CFAP299: variants seen among roughly 807,000 people sequenced by gnomAD.
The protein encoded by CFAP299 is cilia and flagella associated protein 299.
A neutral mutation model predicts 27.0 loss-of-function variants in CFAP299; 21 were observed. The observed-to-expected ratio is 0.78, with a 90% confidence interval of 0.55 to 1.12. CFAP299 has a LOEUF of 1.12. Among genes scored for constraint, CFAP299 ranks in the 50% most tolerant of loss-of-function variants. The pLI, the probability that CFAP299 is intolerant of heterozygous loss-of-function variation, is 0.00. For missense variants in CFAP299, 310 were observed against 276.6 expected (o/e 1.12, Z -0.86); for synonymous variants, 104 against 98.1 (o/e 1.06, Z -0.36).
At chr4:80,463,012 G>C (rs1191754218) in intron 2 of CFAP299, among the ~76,000 whole-genome samples, 1 of 152,126 alleles carries the variant, frequency 6.6e-6, no homozygotes, top group Non-Finnish European at 1.5e-5. Flanking sequence ...GAAACTGAAA[G>C]TAGAATGAGA....
At chr4:80,908,707 T>C (rs1486525525) in intron 4 of CFAP299, among the ~76,000 whole-genome samples, 1 of 152,200 alleles carries the variant, frequency 6.6e-6, no homozygotes, top group Non-Finnish European at 1.5e-5. Context: ...CAGGTAATAC[T>C]GCTAAGTTCA....
chr4:80,661,904 G>A (rs553120092), intron 3 of CFAP299, among the ~76,000 whole-genome samples: 8 of 152,230 alleles, frequency 5.3e-5, no homozygotes, highest in African/African-American at 9.6e-5. Context: ...GGTGACAGCC[G>A]TCTTTTACAG....
chr4:80,460,082 AGAG>A (rs1729362666), intron 2 of CFAP299, among the ~76,000 whole-genome samples: 1 of 152,184 alleles, frequency 6.6e-6, no homozygotes, highest in Non-Finnish European at 1.5e-5. Context: ...GATGTGAGAG[AGAG>A]AAGAAGAGAG....
intron 3 of CFAP299, among the ~76,000 whole-genome samples, chr4:80,785,139 TG>T (rs1273971595): frequency 7.1e-5 from 10 of 140,372 alleles, no homozygotes; most frequent in East Asian, 3.9e-4. Flanking sequence ...TCTTCCTCTA[TG>T]TTTTTTTTTT....
intron 3 of CFAP299, among the ~76,000 whole-genome samples, chr4:80,677,606 TATC>T (rs1364577234): frequency 6.6e-6 from 1 of 152,036 alleles, no homozygotes; most frequent in Non-Finnish European, 1.5e-5. Flanking sequence ...GATACAATAA[TATC>T]ATAAAAACTT....
At chr4:80,547,376 C>G (rs1301771083) in intron 2 of CFAP299, among the ~76,000 whole-genome samples, 1 of 152,042 alleles carries the variant, frequency 6.6e-6, no homozygotes, top group African/African-American at 2.4e-5. Flanking sequence ...TAAAATTCAA[C>G]TCAAGATGAA....
chr4:80,631,864 AC>A (rs70944798), intron 3 of CFAP299, among the ~76,000 whole-genome samples: 3 of 29,980 alleles, frequency 1.0e-4, no homozygotes, highest in Non-Finnish European at 2.3e-4. Context: ...TTTGTGCCCC[AC>A]CCCCCCCCAA....
intron 3 of CFAP299, among the ~76,000 whole-genome samples, chr4:80,629,996 G>C (rs937714175): frequency 6.6e-6 from 1 of 152,002 alleles, no homozygotes; most frequent in African/African-American, 2.4e-5. Context: ...AAATGTTTAG[G>C]TGGAATAAAT....
At chr4:80,900,794 A>T (rs1179277937) in intron 4 of CFAP299, among the ~76,000 whole-genome samples, 3 of 151,894 alleles carry the variant, frequency 2.0e-5, no homozygotes, top group Non-Finnish European at 4.4e-5. Flanking sequence ...ATTTGAAATC[A>T]ATCAAAATTT....
intron 2 of CFAP299, among the ~76,000 whole-genome samples, chr4:80,518,333 G>T (rs1732691572): frequency 6.6e-6 from 1 of 152,054 alleles, no homozygotes; most frequent in South Asian, 2.1e-4. Flanking sequence ...AAGATCAAGG[G>T]TTCCCAAATA....
At chr4:80,562,136 C>T (rs2110222678) in intron 2 of CFAP299, among the ~76,000 whole-genome samples, 2 of 151,854 alleles carry the variant, frequency 1.3e-5, no homozygotes, top group Admixed American at 1.3e-4. Context: ...AGTAAAAAAA[C>T]CTACAACAGA....
Position 80,777,422 on chromosome 4 carries a change from T to C in CFAP299, c.334-92571T>C, listed in dbSNP as rs138469886. On this transcript the variant is annotated intron_variant, in intron 3 of 5. Coordinates refer to ENST00000358105, the MANE Select transcript of CFAP299 (RefSeq NM_152770.3). ...AAGTAGTCCTATGCTTGCTTTTGACTTTTCATTCAGGCTAGGCTAGGTTCC... is the reference window on the plus strand; with the variant it reads ...AAGTAGTCCTATGCTTGCTTTTGACCTTTCATTCAGGCTAGGCTAGGTTCC... 1.3e-3 allele frequency among the ~76,000 whole-genome samples: 205 copies of C among 152,204 alleles called. 2 individuals carry two copies. The highest frequency in any genetic ancestry group is 4.6e-3 in the African/African-American group (193 of 41,548).
intron 3 of CFAP299, among the ~76,000 whole-genome samples, chr4:80,840,152 C>T (rs779079197): frequency 4.6e-5 from 7 of 152,018 alleles, no homozygotes; most frequent in Non-Finnish European, 8.8e-5. Flanking sequence ...ATGAATTTTA[C>T]ACTTTAGATT....
chr4:80,821,268 A>C (rs1302451047), intron 3 of CFAP299, among the ~76,000 whole-genome samples: 2 of 152,208 alleles, frequency 1.3e-5, no homozygotes, highest in African/African-American at 4.8e-5. Context: ...TCTTGATAAG[A>C]AAGCTTCATT....
chr4:80,409,682 G>A (rs1323549435), intron 2 of CFAP299, among the ~76,000 whole-genome samples: 1 of 152,164 alleles, frequency 6.6e-6, no homozygotes, highest in Non-Finnish European at 1.5e-5. Context: ...ATGCTCTGAA[G>A]CAGTGCACTT....
intron 2 of CFAP299, among the ~76,000 whole-genome samples, chr4:80,450,888 C>CGTGT (rs35096997): frequency 0.097 from 14,149 of 145,564 alleles, 881 homozygotes; most frequent in African/African-American, 0.18. Context: ...GGATTAATAC[C>CGTGT]GTGTGTGTGT....
chr4:80,906,398 C>T (rs1188434721), intron 4 of CFAP299, among the ~76,000 whole-genome samples: 5 of 152,204 alleles, frequency 3.3e-5, no homozygotes, highest in African/African-American at 1.2e-4. Flanking sequence ...ATGGTGCAAG[C>T]TGCCAGTGAA....
chr4:80,697,227 T>C (rs921781625), intron 3 of CFAP299, among the ~76,000 whole-genome samples: 1 of 152,108 alleles, frequency 6.6e-6, no homozygotes, highest in Non-Finnish European at 1.5e-5. Flanking sequence ...ACAATCTGTA[T>C]GAAATAACAG....
At chr4:80,918,492 CAGTTAGGT>C (rs1735870733) in intron 4 of CFAP299, among the ~76,000 whole-genome samples, 1 of 151,896 alleles carries the variant, frequency 6.6e-6, no homozygotes, top group South Asian at 2.1e-4. Flanking sequence ...GTTCATGTGG[CAGTTAGGT>C]AGATTTTATA....
Sources: allele counts gnomAD v4.1 joint callset (sites outside exome capture counted in the v4.1 genomes callset), GRCh38; gene constraint gnomAD v4.1.1; transcripts MANE v1.5; gene names NCBI Gene and HGNC (gene_info 2026-07-23, HGNC 2026-07-21).